Variants in RSRP1 observed in about 807,000 individuals in gnomAD.
The protein encoded by RSRP1 is arginine and serine rich protein 1, also known as arginine/serine-rich protein 1.
RSRP1 carries 37 observed loss-of-function variants against 33.0 expected under a neutral mutation model. The observed-to-expected ratio is 1.12, with a 90% CI of 0.86 to 1.48. RSRP1 has a LOEUF of 1.48. RSRP1 is among the 40% of genes most tolerant of loss of function. The probability of loss-of-function intolerance (pLI) is 0.00; values close to 1 mark genes in which losing one functional copy is unlikely to be tolerated. For synonymous variants in RSRP1, 167 were observed against 158.7 expected, an observed-to-expected ratio of 1.05 and a Z score of -0.40; for missense variants, 402 against 385.3, an observed-to-expected ratio of 1.04 and a Z score of -0.36.
Position 25,286,866 on chromosome 1 carries a change from G to C in RSRP1, c.-66-39837C>G, listed in dbSNP as rs770239233. Among the ~76,000 whole-genome samples, 12 of 134,458 alleles carry C rather than the reference G, an allele frequency of 8.9e-5. 4 individuals carry two copies. The highest frequency in any genetic ancestry group is 2.1e-4 in the Non-Finnish European group (12 of 56,864). 88.2% of individuals were successfully genotyped at this position (134,458 alleles called of 152,430 possible). A position where few individuals can be genotyped will look rare whatever the true frequency, so the allele number is the denominator to read the frequency against. On this transcript the variant is annotated intron_variant, in intron 1 of 1. Transcript: ENST00000561867. ...CCTAGTACTTTAGGAGGCCTAGCAG[G>C]TGGATTACCTGAGGTCAGGAGTCCG...
chr1:25,307,633 G>T, intron 1 of RSRP1: 1 of 1,103,626 alleles, frequency 9.1e-7, no homozygotes, highest in Non-Finnish European at 1.3e-6. Context: ...TTTAAGAGAA[G>T]TTATCTGCCC....
intron 1 of RSRP1, among the ~76,000 whole-genome samples, chr1:25,274,470 C>G (rs1283511881): frequency 3.0e-5 from 4 of 132,298 alleles, no homozygotes; most frequent in Non-Finnish European, 7.2e-5. Context: ...AACGTAGGTA[C>G]AAAATGTCCT....
chr1:25,285,165 A>G (rs674631), intron 1 of RSRP1, among the ~76,000 whole-genome samples: 4 of 123,344 alleles, frequency 3.2e-5, no homozygotes, highest in East Asian at 4.0e-4. Flanking sequence ...ACGGAGTTTC[A>G]CTTTTGTTGC....
intron 1 of RSRP1, among the ~76,000 whole-genome samples, chr1:25,330,734 G>A (rs1644986660): frequency 7.6e-6 from 1 of 130,996 alleles, no homozygotes; most frequent in African/African-American, 2.6e-5. Context: ...CGTTGTATTA[G>A]TCTGCTTGGG....
At position 25,274,924 on chromosome 1, in the gene RSRP1, G is replaced by T. The variant is rs181698633; in HGVS notation, c.-66-27895C>A. On this transcript the variant is annotated intron_variant, in intron 1 of 1. Coordinates refer to the RSRP1 transcript ENST00000561867. ...TGGGAGGCCATTACACTCCAGCCTG[G>T]GCGCCAGAGTGAGACTTCATCTCAA... Among the ~76,000 whole-genome samples the T allele has an allele frequency of 3.8e-5, 5 of 131,296 alleles. No homozygotes were observed. The East Asian group carries it at 9.8e-4, about 26-fold the overall frequency. 86.1% of individuals were successfully genotyped at this position (131,296 alleles called of 152,430 possible). A position where few individuals can be genotyped will look rare whatever the true frequency, so the allele number is the denominator to read the frequency against.
rs1162992234 is a variant in RSRP1 at position 25,308,621 on chromosome 1, G to A, written c.-67+29357C>T. ...CTGTCAAGGAGACATCACTATACAT[G>A]GACTTGGGAAGAGATGAGAACAATC... On this transcript the variant is annotated intron_variant, in intron 1 of 1. Coordinates refer to the RSRP1 transcript ENST00000561867. Among the ~76,000 whole-genome samples, 3 of 131,508 alleles carry A rather than the reference G, an allele frequency of 2.3e-5. 1 individual carries two copies. Among genetic ancestry groups the A allele is most frequent in the Non-Finnish European group, 5.4e-5 (3 of 55,748 alleles). 86.3% of individuals were successfully genotyped at this position (131,508 alleles called of 152,430 possible).
Position 25,330,188 on chromosome 1 carries a change from T to C in RSRP1, c.-67+7790A>G, listed in dbSNP as rs1409872289. On this transcript the variant is annotated intron_variant, in intron 1 of 1. Coordinates refer to the RSRP1 transcript ENST00000561867. ...ATTATATTATTGTTTTCTACTGCTA[T>C]GTGTCACACTTTGCCAAACAGGATG... 2 of 133,014 alleles carry C rather than the reference T, an allele frequency of 1.5e-5. 1 individual carries two copies. The highest frequency in any genetic ancestry group is 3.6e-5 in the Non-Finnish European group (2 of 56,130). The allele number at this position is 133,014 out of a possible 1,614,324, so 8.2% of individuals were successfully genotyped here.
chr1:25,297,619 CT>C (rs1210492198), intron 1 of RSRP1, among the ~76,000 whole-genome samples: 1 of 131,742 alleles, frequency 7.6e-6, no homozygotes, highest in African/African-American at 2.6e-5. Context: ...TTTCGCTTCT[CT>C]GTTCATCCAC....
chr1:25,315,046 T>C (rs569851783), intron 1 of RSRP1, among the ~76,000 whole-genome samples: 1 of 128,604 alleles, frequency 7.8e-6, no homozygotes, highest in South Asian at 2.4e-4. Context: ...CTACTAAAAA[T>C]ACAAAAAATT....
rs1337910843 is a variant in RSRP1 at position 25,305,477 on chromosome 1, A to T, written c.-67+32501T>A. On this transcript the variant is annotated intron_variant, in intron 1 of 1. Transcript: ENST00000561867. Reference sequence around the variant, plus strand: ...AGTGGTGCAATCTCAGCTCACTGCAACCTCCACCTCCTGGGTTCAAGTGAT... The same window carrying T: ...AGTGGTGCAATCTCAGCTCACTGCATCCTCCACCTCCTGGGTTCAAGTGAT... Among the ~76,000 whole-genome samples, 2 of 20,158 alleles carry T rather than the reference A, an allele frequency of 9.9e-5. 1 individual carries two copies. The highest frequency in any genetic ancestry group is 1.4e-4 in the African/African-American group (2 of 14,356). The allele number at this position is 20,158 out of a possible 152,430, so 13.2% of individuals were successfully genotyped here.
intron 1 of RSRP1, chr1:25,301,047 G>A: frequency 7.3e-7 from 1 of 1,377,320 alleles, no homozygotes; most frequent in African/African-American, 1.4e-5. Flanking sequence ...AGGGAACGGA[G>A]GATAAAGATC....
chr1:25,288,570 C>T (rs1380447520), intron 1 of RSRP1, among the ~76,000 whole-genome samples: 3 of 126,026 alleles, frequency 2.4e-5, no homozygotes, highest in African/African-American at 8.2e-5. Context: ...TTGTGCTTGA[C>T]GTATATCAAC....
At position 25,243,602 on chromosome 1, in the gene RSRP1, C is replaced by G; in HGVS notation, c.704G>C (p.Arg235Pro). 6.2e-7 allele frequency: 1 copy of G among 1,613,656 alleles called. No homozygotes were observed. The highest frequency in any genetic ancestry group is 8.5e-7 in the Non-Finnish European group (1 of 1,179,768). ...LSEKVTEDGT[R>P]NPNEKPTQQR... ...CTGGGTAGGTTTTTCATTGGGATTT[C>G]GAGTTCCATCTTCTGTTACCTTTTC... Residue 235 changes from arginine to proline, a missense_variant, in exon 4 of 5, where the codon CGA (arginine) becomes CCA (proline). Coordinates refer to ENST00000243189, the MANE Select transcript of RSRP1 (RefSeq NM_020317.5).
chr1:25,284,811 G>T (rs551101938), intron 1 of RSRP1: 1 of 1,336,442 alleles, frequency 7.5e-7, no homozygotes, highest in African/African-American at 1.4e-5. Context: ...AATGGACCCC[G>T]AAAGGACAGG....
At chr1:25,284,876 T>C in intron 1 of RSRP1, 1 of 1,112,634 alleles carries the variant, frequency 9.0e-7, no homozygotes, top group Non-Finnish European at 1.3e-6. Context: ...TGCTGTGCAA[T>C]ATTTAGGACA....
At chr1:25,334,700 C>G (rs1645057411) in intron 1 of RSRP1, among the ~76,000 whole-genome samples, 1 of 132,922 alleles carries the variant, frequency 7.5e-6, no homozygotes, top group Admixed American at 7.2e-5. Flanking sequence ...TTCCAAACCC[C>G]AGTTCTTGAC....
chr1:25,251,543 A>AT (rs1408180104), upstream of RSRP1, among the ~76,000 whole-genome samples: 2 of 151,628 alleles, frequency 1.3e-5, no homozygotes, highest in Non-Finnish European at 2.9e-5. Context: ...CTTATTTTGT[A>AT]TTTTTAGTAG....
chr1:25,314,121 T>C (rs1246663221), intron 1 of RSRP1, among the ~76,000 whole-genome samples: 2 of 133,060 alleles, frequency 1.5e-5, no homozygotes, highest in African/African-American at 5.1e-5. Context: ...AATTGTTGAA[T>C]TATACAGTAT....
intron 1 of RSRP1, among the ~76,000 whole-genome samples, chr1:25,332,814 C>A (rs555603206): frequency 1.5e-5 from 2 of 132,288 alleles, no homozygotes; most frequent in South Asian, 2.3e-4. Context: ...AGAGACACAG[C>A]CAATCGATAC....
Sources: allele counts gnomAD v4.1 joint callset (sites outside exome capture counted in the v4.1 genomes callset), GRCh38; gene constraint gnomAD v4.1.1; transcripts MANE v1.5; gene names NCBI Gene and HGNC (gene_info 2026-07-23, HGNC 2026-07-21).